UBR3: variants seen among roughly 807,000 people sequenced by gnomAD.
UBR3 encodes E3 ubiquitin-protein ligase UBR3.
A neutral mutation model predicts 243.2 loss-of-function variants in UBR3; 85 were observed. That is an observed-to-expected ratio of 0.35 (90% confidence interval 0.29 to 0.42). The LOEUF is 0.42. UBR3 is among the 10% of genes least tolerant of loss of function. The probability of loss-of-function intolerance (pLI) is 1.00; values close to 1 mark genes in which losing one functional copy is unlikely to be tolerated. For missense variants in UBR3, 1,686 were observed against 2,300.8 expected, an observed-to-expected ratio of 0.73 and a Z score of 5.47; for synonymous variants, 748 against 799.8, an observed-to-expected ratio of 0.94 and a Z score of 1.09.
intron 18 of UBR3, among the ~76,000 whole-genome samples, chr2:169,931,733 T>G (rs1202750135): frequency 1.3e-5 from 2 of 152,184 alleles, no homozygotes; most frequent in African/African-American, 4.8e-5. Flanking sequence ...TACTTAGTAT[T>G]TCACTATTTT....
Position 170,080,999 on chromosome 2 carries a change from G to A in UBR3, c.5549+315G>A, listed in dbSNP as rs1186507961. 2.6e-5 allele frequency among the ~76,000 whole-genome samples: 4 copies of A among 152,058 alleles called. No homozygotes were observed. The East Asian group carries it at 7.7e-4, about 29-fold the overall frequency. ...GAGCCCAGGAGTTTGAGACCAGCCT[G>A]GACAACATAGTGAGACCTCATCTCT... On this transcript the variant is annotated intron_variant, in intron 38 of 38. Coordinates refer to ENST00000272793, the MANE Select transcript of UBR3 (RefSeq NM_172070.4).
At chr2:169,947,991 G>A in intron 22 of UBR3, 1 of 957,410 alleles carries the variant, frequency 1.0e-6, no homozygotes, top group Non-Finnish European at 1.2e-6. Context: ...ACTGGAAATG[G>A]GGAAAAACCG....
At chr2:169,935,292 A>G (rs540179047) in intron 19 of UBR3, among the ~76,000 whole-genome samples, 1 of 152,152 alleles carries the variant, frequency 6.6e-6, no homozygotes, top group Non-Finnish European at 1.5e-5. Context: ...TACCCCCCTG[A>G]GTAGCTAGGA....
At chr2:170,065,299 G>A (rs1284320364) in intron 35 of UBR3, among the ~76,000 whole-genome samples, 2 of 150,932 alleles carry the variant, frequency 1.3e-5, no homozygotes, top group Non-Finnish European at 3.0e-5. Flanking sequence ...TTTTGGGTGG[G>A]CGGGAGGAAG....
intron 8 of UBR3, among the ~76,000 whole-genome samples, chr2:169,901,534 G>A (rs1242608843): frequency 6.6e-6 from 1 of 152,098 alleles, no homozygotes; most frequent in Non-Finnish European, 1.5e-5. Context: ...ACTAGCCACG[G>A]ATATTACAAC....
At chr2:169,989,284 C>G (rs939288716) in intron 25 of UBR3, among the ~76,000 whole-genome samples, 19 of 152,060 alleles carry the variant, frequency 1.2e-4, no homozygotes, top group African/African-American at 4.3e-4. Flanking sequence ...CCCATTGTCT[C>G]TATTTATTTA....
chr2:169,890,485 T>TC (rs1188806320), intron 5 of UBR3, among the ~76,000 whole-genome samples: 1 of 146,844 alleles, frequency 6.8e-6, no homozygotes, highest in Non-Finnish European at 1.5e-5. Context: ...CCCTTTTTTT[T>TC]CCCCATAAGC....
chr2:170,074,433 A>G (rs1461095305), intron 36 of UBR3, among the ~76,000 whole-genome samples: 1 of 152,142 alleles, frequency 6.6e-6, no homozygotes, highest in Non-Finnish European at 1.5e-5. Context: ...CTGATGCCCC[A>G]TTGCCTATGG....
chr2:170,010,814 T>C (rs1217655189), intron 29 of UBR3, among the ~76,000 whole-genome samples: 2 of 152,164 alleles, frequency 1.3e-5, no homozygotes, highest in Non-Finnish European at 2.9e-5. Context: ...CCCCAAAATA[T>C]TGCAAAGCTC....
chr2:169,842,298 G>A (rs920620876), intron 1 of UBR3, among the ~76,000 whole-genome samples: 2 of 152,138 alleles, frequency 1.3e-5, no homozygotes, highest in East Asian at 3.9e-4. Context: ...ATCTGATGGG[G>A]ACGTGGAGAA....
chr2:170,020,852 G>T (rs1229957680), intron 30 of UBR3, among the ~76,000 whole-genome samples: 1 of 152,088 alleles, frequency 6.6e-6, no homozygotes. Flanking sequence ...AAAAAATAGA[G>T]GCTGTCAGTG....
intron 11 of UBR3, among the ~76,000 whole-genome samples, chr2:169,920,156 G>A (rs1278717437): frequency 6.6e-6 from 1 of 152,162 alleles, no homozygotes; most frequent in African/African-American, 2.4e-5. Context: ...ATGAGTTCAT[G>A]TCCTTTGTAG....
intron 13 of UBR3, among the ~76,000 whole-genome samples, chr2:169,924,746 T>G (rs921465745): frequency 1.3e-5 from 2 of 152,158 alleles, no homozygotes; most frequent in Admixed American, 6.6e-5. Context: ...AAATTATGAC[T>G]GCTTGAAGCC....
At chr2:170,044,119 T>A (rs1432615562) in intron 32 of UBR3, among the ~76,000 whole-genome samples, 2 of 152,146 alleles carry the variant, frequency 1.3e-5, no homozygotes, top group African/African-American at 4.8e-5. Context: ...AATATAAATT[T>A]TTCTTCTCCA....
intron 18 of UBR3, among the ~76,000 whole-genome samples, chr2:169,932,669 G>A (rs2105350443): frequency 6.6e-6 from 1 of 152,244 alleles, no homozygotes; most frequent in East Asian, 1.9e-4. Context: ...GTGAGGCATT[G>A]TTGTATTACA....
At chr2:170,056,823 G>T (rs1435651343) in intron 33 of UBR3, among the ~76,000 whole-genome samples, 1 of 152,064 alleles carries the variant, frequency 6.6e-6, no homozygotes, top group Non-Finnish European at 1.5e-5. Flanking sequence ...TTAATTATGG[G>T]TTAAGAATAA....
chr2:169,961,785 A>G lies in UBR3; in HGVS notation c.3634+3259A>G, dbSNP rs114422959. Among the ~76,000 whole-genome samples the G allele has an allele frequency of 7.9e-3, 1,201 of 151,720 alleles. 13 individuals are homozygous for G. Among genetic ancestry groups the G allele is most frequent in the African/African-American group, 0.026 (1,073 of 41,380 alleles). ...ATCTGAAGTTTTATCATTTGTATCT[A>G]TGAGATCTTTTCCCATCCTCCTTAG... On this transcript the variant is annotated intron_variant, in intron 24 of 38. Coordinates refer to ENST00000272793, the MANE Select transcript of UBR3 (RefSeq NM_172070.4).
At chr2:170,005,432 TG>T (rs2089879191) in intron 27 of UBR3, among the ~76,000 whole-genome samples, 1 of 152,162 alleles carries the variant, frequency 6.6e-6, no homozygotes. Context: ...TAATTTAATA[TG>T]AAGGCTTTGT....
Position 169,962,384 on chromosome 2 carries a change from C to G in UBR3, c.3634+3858C>G, listed in dbSNP as rs114023099. On this transcript the variant is annotated intron_variant, in intron 24 of 38. Coordinates refer to ENST00000272793, the MANE Select transcript of UBR3 (RefSeq NM_172070.4). ...CCACTGCACCTGGTGCCAGTTAAGC[C>G]TTTAAATGACTGCAGGTTTGACAGC... Among the ~76,000 whole-genome samples the G allele has an allele frequency of 5.0e-3, 768 of 152,134 alleles. 3 individuals carry two copies. The highest frequency in any genetic ancestry group is 9.1e-3 in the Admixed American group (139 of 15,276).
Sources: allele counts gnomAD v4.1 joint callset (sites outside exome capture counted in the v4.1 genomes callset), GRCh38; gene constraint gnomAD v4.1.1; transcripts MANE v1.5; gene names NCBI Gene and HGNC (gene_info 2026-07-23, HGNC 2026-07-21).